UNC13C: variants seen among roughly 807,000 people sequenced by gnomAD.
The protein encoded by UNC13C is unc-13 homolog C.
In UNC13C, 174 loss-of-function variants were observed where a neutral mutation model predicts 245.4. The observed-to-expected ratio is 0.71, with a 90% confidence interval of 0.63 to 0.80. The LOEUF is 0.80. Among genes scored for constraint, UNC13C ranks in the 30% least tolerant of loss-of-function variants. The pLI is 0.00. For missense variants in UNC13C, 2,829 were observed against 2,602.9 expected (o/e 1.09, Z -1.89); for synonymous variants, 992 against 895.1 (o/e 1.11, Z -1.93).
At chr15:53,943,443 C>G in the UNC13C span, among the ~76,000 whole-genome samples, 3 of 152,110 alleles carry the variant, frequency 2.0e-5, no homozygotes, top group East Asian at 3.9e-4. Flanking sequence ...AGTTTCTAAA[C>G]AGCAACACAA....
chr15:54,367,161 C>T (rs933196445), intron 17 of UNC13C, among the ~76,000 whole-genome samples: 1 of 151,954 alleles, frequency 6.6e-6, no homozygotes, highest in African/African-American at 2.4e-5. Flanking sequence ...CAGAAAGTAC[C>T]AATAAAACAG....
chr15:54,010,271 C>A (rs1297730317), intron 1 of UNC13C, among the ~76,000 whole-genome samples: 3 of 152,148 alleles, frequency 2.0e-5, no homozygotes, highest in Non-Finnish European at 2.9e-5. Context: ...ATGGCTCCTG[C>A]TCTTCAAGAG....
the UNC13C span, among the ~76,000 whole-genome samples, chr15:53,876,570 C>G: frequency 6.6e-6 from 1 of 152,144 alleles, no homozygotes; most frequent in Non-Finnish European, 1.5e-5. Context: ...CAGCTGCCAT[C>G]TTGGAAATCA....
the UNC13C span, among the ~76,000 whole-genome samples, chr15:53,916,504 G>C: frequency 5.3e-5 from 8 of 152,178 alleles, no homozygotes; most frequent in African/African-American, 1.9e-4. Flanking sequence ...GAGAGAATGG[G>C]AAAGGCCAGG....
At chr15:54,220,271 A>G (rs1391571825) in intron 4 of UNC13C, among the ~76,000 whole-genome samples, 1 of 150,708 alleles carries the variant, frequency 6.6e-6, no homozygotes, top group East Asian at 1.9e-4. Flanking sequence ...CAGCCATAAA[A>G]AATGATGAGT....
At chr15:54,393,399 A>G (rs1230790559) in intron 18 of UNC13C, among the ~76,000 whole-genome samples, 6 of 151,876 alleles carry the variant, frequency 4.0e-5, no homozygotes, top group African/African-American at 1.2e-4. Flanking sequence ...ATATGGAGAA[A>G]AATATTTTCC....
intron 2 of UNC13C, among the ~76,000 whole-genome samples, chr15:54,055,355 A>C (rs181419925): frequency 6.6e-6 from 1 of 152,310 alleles, no homozygotes; most frequent in African/African-American, 2.4e-5. Context: ...TCTCTAGTAA[A>C]GTTACATCAG....
intron 17 of UNC13C, among the ~76,000 whole-genome samples, chr15:54,381,674 G>A (rs984009303): frequency 6.6e-6 from 1 of 151,442 alleles, no homozygotes; most frequent in Non-Finnish European, 1.5e-5. Context: ...CACCTTCTGG[G>A]TTAAATTAAC....
At chr15:53,977,834 C>T (rs1255427843), upstream of UNC13C, among the ~76,000 whole-genome samples, 6 of 152,152 alleles carry the variant, frequency 3.9e-5, no homozygotes. Context: ...AGACATTATT[C>T]CTAAGTGAGA....
At chr15:54,132,074 C>CTTTTTTTTTTCTTTTTCTTTTTTTCTT (rs2031459790) in intron 2 of UNC13C, among the ~76,000 whole-genome samples, 1 of 110,646 alleles carries the variant, frequency 9.0e-6, no homozygotes, top group African/African-American at 3.2e-5. Flanking sequence ...TTTTCTTTTT[C>CTTTTTTTTTTCTTTTTCTTTTTTTCTT]TTTTTTTTTT....
intron 2 of UNC13C, among the ~76,000 whole-genome samples, chr15:54,056,541 A>G (rs527327850): frequency 7.2e-5 from 11 of 152,212 alleles, no homozygotes; most frequent in Non-Finnish European, 1.6e-4. Flanking sequence ...ATTCTGCAGG[A>G]TATTATCCAG....
chr15:54,385,216 C>T (rs867884607), intron 17 of UNC13C, among the ~76,000 whole-genome samples: 2 of 152,008 alleles, frequency 1.3e-5, no homozygotes, highest in Admixed American at 6.6e-5. Context: ...CCATGGTGAA[C>T]GATGCCCACT....
At chr15:54,105,103 T>C (rs1022435341) in intron 2 of UNC13C, among the ~76,000 whole-genome samples, 7 of 152,224 alleles carry the variant, frequency 4.6e-5, no homozygotes, top group African/African-American at 1.7e-4. Context: ...ACAAGAGAAC[T>C]GATAGTTCAA....
intron 28 of UNC13C, among the ~76,000 whole-genome samples, chr15:54,551,880 A>T (rs1431232364): frequency 6.6e-6 from 1 of 151,936 alleles, no homozygotes; most frequent in Non-Finnish European, 1.5e-5. Flanking sequence ...AGAACTTCAA[A>T]TTGTATAAAA....
intron 2 of UNC13C, among the ~76,000 whole-genome samples, chr15:54,072,271 G>A (rs779623143): frequency 6.6e-6 from 1 of 152,084 alleles, no homozygotes; most frequent in Non-Finnish European, 1.5e-5. Context: ...GATGCCAAAC[G>A]CCCAGCCTAA....
At chr15:53,970,495 T>C in the UNC13C span, among the ~76,000 whole-genome samples, 1 of 152,204 alleles carries the variant, frequency 6.6e-6, no homozygotes, top group Non-Finnish European at 1.5e-5. Flanking sequence ...TAATATGGCA[T>C]TGAGTACAGT....
intron 8 of UNC13C, among the ~76,000 whole-genome samples, chr15:54,259,351 A>G (rs796226318): frequency 6.0e-4 from 92 of 152,364 alleles, no homozygotes; most frequent in African/African-American, 2.0e-3. Context: ...TTTATAAAGA[A>G]AAGAGGTTTA....
chr15:54,529,150 G>C (rs906115180), intron 25 of UNC13C, among the ~76,000 whole-genome samples: 1 of 152,170 alleles, frequency 6.6e-6, no homozygotes, highest in African/African-American at 2.4e-5. Flanking sequence ...AGAGGGGCAA[G>C]AATGGTGTTG....
At chr15:54,099,808 T>C (rs535500158) in intron 2 of UNC13C, among the ~76,000 whole-genome samples, 2 of 152,140 alleles carry the variant, frequency 1.3e-5, no homozygotes, top group African/African-American at 4.8e-5. Context: ...TTTAAAAAAA[T>C]ACTTGGCTGG....
Sources: gnomAD v4.1 joint callset for allele counts (sites outside exome capture counted in the v4.1 genomes callset) on GRCh38, gnomAD v4.1.1 for gene constraint, MANE v1.5 for transcripts, NCBI Gene and HGNC (gene_info 2026-07-23, HGNC 2026-07-21) for gene names.